The following ECD variants were observed in gnomAD, a reference collection of about 807,000 sequenced individuals.
ECD encodes the protein protein ecdysoneless homolog.
Under a neutral mutation model 77.2 loss-of-function variants are expected in ECD, and 59 were observed. The ratio of observed to expected loss-of-function variants is 0.76; its 90% confidence interval spans 0.62 to 0.95. The LOEUF is 0.95. Among genes scored for constraint, ECD ranks in the 40% least tolerant of loss-of-function variants. The pLI is 0.00. For synonymous variants in ECD, 233 were observed against 267.4 expected (o/e 0.87, Z 1.26); for missense variants, 704 against 763.4 (o/e 0.92, Z 0.92).
Position 73,139,345 on chromosome 10 carries a change from G to T in ECD, c.1385C>A (p.Ser462Tyr). 1 of 1,614,006 alleles carries T rather than the reference G, an allele frequency of 6.2e-7. No individual in the cohort carries two copies. Among genetic ancestry groups the T allele is most frequent in the Non-Finnish European group, 8.5e-7 (1 of 1,180,014 alleles). Reference protein sequence around the residue: ...EVSESMKAFISKVSTHKGAEL... With the variant: ...EVSESMKAFIYKVSTHKGAEL... ...TGCTCCCTTGTGGGTTGAGACTTTG[G>T]ATATGAAAGCTTTCATGCTCTCTGA... The change falls in exon 11 of 14, where the codon TCC becomes TAC. Residue 462 changes from serine to tyrosine, a missense_variant. Ser to Tyr is a moderately radical substitution (Grantham distance 144, BLOSUM62 -2). Transcript: ENST00000372979.
chr10:73,163,616 AG>A (rs1564668436), intron 2 of ECD, 116 bp downstream of exon 2: 3 of 934,880 alleles, frequency 3.2e-6, no homozygotes, highest in Admixed American at 5.5e-5. Context: ...TCATCTAAAA[AG>A]TTTAGTGTAT....
chr10:73,159,319 T>C (rs1843344012), intron 3 of ECD, among the ~76,000 whole-genome samples: 1 of 152,236 alleles, frequency 6.6e-6, no homozygotes, highest in African/African-American at 2.4e-5. Context: ...TCCTATACAA[T>C]TGTGTTCACT....
intron 1 of ECD, among the ~76,000 whole-genome samples, chr10:73,165,046 A>G (rs1843434933): frequency 6.6e-6 from 1 of 152,200 alleles, no homozygotes; most frequent in South Asian, 2.1e-4. Context: ...TCTGCCACTA[A>G]TTAGTTGTGC....
chr10:73,138,426 T>A (rs925931474), intron 11 of ECD, among the ~76,000 whole-genome samples: 28 of 152,338 alleles, frequency 1.8e-4, no homozygotes, highest in African/African-American at 6.5e-4. Flanking sequence ...GAACTAAAGC[T>A]TAAAAAATAA....
In ECD at chr10:73,136,788, A is replaced by T; in HGVS notation, c.1620T>A (p.Asp540Glu). ...GEEASLKGTL[D>E]NLKSYMAQMD... ...TCTGGGCCATGTATGACTTGAGATT[A>T]TCAAGTGTTCCTTTCAGGGAAGCCT... The change falls in exon 13 of 14, where the codon GAT becomes GAA. Residue 540 changes from aspartate to glutamate, a missense_variant. Asp to Glu is a conservative substitution (Grantham distance 45). This residue lies in a region of ECD where 142 missense variants were observed against 163.6 expected (regional missense o/e 0.87). Transcript: ENST00000372979. The T allele has an allele frequency of 6.2e-7, 1 of 1,614,094 alleles. No homozygotes were observed.
chr10:73,148,952 T>C (rs1448909283), intron 7 of ECD, among the ~76,000 whole-genome samples: 2 of 152,212 alleles, frequency 1.3e-5, no homozygotes, highest in Non-Finnish European at 2.9e-5. Flanking sequence ...TGAAGTATTA[T>C]GTGTGTGCCT....
chr10:73,158,822 G>A (rs886331153), intron 3 of ECD, among the ~76,000 whole-genome samples: 1 of 152,110 alleles, frequency 6.6e-6, no homozygotes, highest in Non-Finnish European at 1.5e-5. Context: ...AGGATGGCTT[G>A]AGCCCAGGAG....
chr10:73,146,491 C>T, intron 8 of ECD, 130 bp from the exon 9 acceptor site: 1 of 468,674 alleles, frequency 2.1e-6, no homozygotes. Context: ...AAGTCCTAGG[C>T]CCTGTTTTAT....
intron 10 of ECD, 61 bp from the exon 11 acceptor site, chr10:73,139,556 G>T: frequency 6.3e-7 from 1 of 1,594,200 alleles, no homozygotes. Context: ...CTTAGGAGAG[G>T]ATCCTGTGAG....
Position 73,154,286 on chromosome 10 carries a change from T to C in ECD, c.753A>G (p.Thr251=), listed in dbSNP as rs780756707. ...IDLRACRVFK[T]FLPETRIMTS... ...TCATTATTCGTGTTTCAGGCAAGAA[T>C]GTCTTGAAAACACGACAAGCTCGCA... Residue 251 remains threonine (T), a synonymous_variant, in exon 6 of 14, where the codon ACA becomes ACG. Transcript: ENST00000372979. The C allele has an allele frequency of 3.7e-6, 6 of 1,610,010 alleles. No homozygotes were observed. The South Asian group carries it at 4.4e-5, about 12-fold the overall frequency.
At chr10:73,160,210 C>T (rs780343226) in intron 3 of ECD, among the ~76,000 whole-genome samples, 14 of 150,774 alleles carry the variant, frequency 9.3e-5, no homozygotes, top group Non-Finnish European at 1.8e-4. Flanking sequence ...CGCTTGAACC[C>T]GGAAGGTGAA....
intron 8 of ECD, among the ~76,000 whole-genome samples, chr10:73,147,515 A>G (rs1392355024): frequency 6.6e-6 from 1 of 151,498 alleles, no homozygotes; most frequent in Non-Finnish European, 1.5e-5. Context: ...GTGCCATTGC[A>G]CTCCAGCCTA....
intron 3 of ECD, 142 bp from the exon 4 acceptor site, chr10:73,156,797 A>G: frequency 1.4e-6 from 1 of 695,524 alleles, no homozygotes; most frequent in Non-Finnish European, 2.4e-6. Context: ...TAAGAAAGCA[A>G]AATATTTAAG....
At chr10:73,140,387 C>T (rs1046427107) in intron 9 of ECD, among the ~76,000 whole-genome samples, 4 of 151,694 alleles carry the variant, frequency 2.6e-5, no homozygotes, top group African/African-American at 9.7e-5. Context: ...GAAAAATGGC[C>T]TTCATTAAAG....
intron 1 of ECD, among the ~76,000 whole-genome samples, chr10:73,164,940 T>C (rs1843432140): frequency 6.6e-6 from 1 of 152,204 alleles, no homozygotes; most frequent in South Asian, 2.1e-4. Context: ...AATGAAATTT[T>C]TAATGTTTGC....
At chr10:73,161,445 G>T (rs1843380426) in intron 2 of ECD, among the ~76,000 whole-genome samples, 1 of 151,994 alleles carries the variant, frequency 6.6e-6, no homozygotes, top group African/African-American at 2.4e-5. Flanking sequence ...CCAGTAAGTT[G>T]GATAACCTAT....
At chr10:73,156,244 T>G (rs12240976) in intron 5 of ECD, 31 bp downstream of exon 5, 124,270 of 1,530,040 alleles carry the variant, frequency 0.081, 7,620 homozygotes, top group East Asian at 0.28. Context: ...AAAGGTTCCT[T>G]AATTAGCAAT....
rs758118368 is a variant in ECD, at chr10:73,146,256, G to A, written c.1127+20C>T. 1.2e-5 allele frequency: 17 copies of A among 1,403,254 alleles called. No individual in the cohort carries two copies. The highest frequency in any genetic ancestry group is 1.7e-5 in the Non-Finnish European group (17 of 1,009,044). 86.9% of individuals were successfully genotyped at this position (1,403,254 alleles called of 1,614,324 possible). On this transcript the variant is annotated intron_variant, in intron 9 of 13. Coordinates refer to ENST00000372979, the MANE Select transcript of ECD (RefSeq NM_007265.3). ...ACCTAAATACCAATCTTTGTAGTAG[G>A]AGTCTTAACAATAACTCACCTTTCT...
At chr10:73,153,597 T>C (rs1189356136) in intron 6 of ECD, among the ~76,000 whole-genome samples, 1 of 150,990 alleles carries the variant, frequency 6.6e-6, no homozygotes, top group East Asian at 2.0e-4. Flanking sequence ...CTGGGCGTGT[T>C]GGGAGGTGAC....
Sources: gnomAD v4.1 joint callset for allele counts (sites outside exome capture counted in the v4.1 genomes callset) on GRCh38, gnomAD v4.1.1 for gene constraint, gnomAD v4.1.1 regional missense constraint, MANE v1.5 for transcripts, NCBI Gene and HGNC (gene_info 2026-07-23, HGNC 2026-07-21) for gene names.